RUBCN: variants seen among roughly 807,000 people sequenced by gnomAD.
The protein encoded by RUBCN is run domain Beclin-1-interacting and cysteine-rich domain-containing protein.
In RUBCN, 74 loss-of-function variants were observed where a neutral mutation model predicts 113.2. The ratio of observed to expected loss-of-function variants is 0.65; its 90% CI spans 0.54 to 0.79. The LOEUF (loss-of-function observed/expected upper bound fraction) is 0.79, where lower values mean the gene tolerates loss of function less well. Ranked by LOEUF, RUBCN falls within the 30% of genes least tolerant of loss-of-function variation. The probability of loss-of-function intolerance (pLI) is 0.00; values close to 1 mark genes in which losing one functional copy is unlikely to be tolerated. For synonymous variants in RUBCN, 480 were observed against 490.0 expected (o/e 0.98, Z 0.27); for missense variants, 1,109 against 1,251.7 (o/e 0.89, Z 1.72).
chr3:197,705,128 C>T lies in RUBCN; in HGVS notation c.267G>A (p.Arg89=), dbSNP rs189652435. Residue 89 remains arginine (R), a synonymous_variant, in exon 3 of 20, where the codon CGG becomes CGA. Coordinates refer to ENST00000296343, the MANE Select transcript of RUBCN (RefSeq NM_014687.4). ...GAAGGGCTGAGTGGGGACTGAGCCA[C>T]CGGATGTCTTTCACGAACTGCCAGT... The part of the protein sequence containing the change: ...TDYWQFVKDI[R]WLSPHSALHV... 234 of 1,614,144 alleles carry T rather than the reference C, an allele frequency of 1.4e-4. 1 individual carries two copies. The African/African-American group carries it at 3.0e-3, about 20-fold the overall frequency.
intron 1 of RUBCN, among the ~76,000 whole-genome samples, chr3:197,728,851 C>T (rs1727057677): frequency 6.6e-6 from 1 of 152,142 alleles, no homozygotes; most frequent in Non-Finnish European, 1.5e-5. Flanking sequence ...AAGAGCTCTC[C>T]AGGCAAAGAG....
chr3:197,749,674 A>G (rs779902502), exon 1 of RUBCN: 1 of 712,690 alleles, frequency 1.4e-6, no homozygotes, highest in South Asian at 1.5e-5. Flanking sequence ...AGCATCCCCC[A>G]GTTTGGGCGG....
At chr3:197,703,800 G>A (rs79404095) in intron 4 of RUBCN, 146 bp from the exon 5 acceptor site, 42,261 of 679,240 alleles carry the variant, frequency 0.062, 1,649 homozygotes, top group Non-Finnish European at 0.079. Context: ...GCTGAAGAAC[G>A]CGAGGTGCAG....
intron 11 of RUBCN, among the ~76,000 whole-genome samples, chr3:197,690,194 C>T (rs779823187): frequency 1.3e-5 from 2 of 152,206 alleles, no homozygotes; most frequent in Non-Finnish European, 2.9e-5. Context: ...AATTCCAACA[C>T]GTTGGGAGGC....
At chr3:197,721,577 T>C (rs78151556) in intron 1 of RUBCN, among the ~76,000 whole-genome samples, 218 of 152,216 alleles carry the variant, frequency 1.4e-3, no homozygotes, top group African/African-American at 4.8e-3. Context: ...TATATATTTT[T>C]TCATTCTCTA....
intron 1 of RUBCN, among the ~76,000 whole-genome samples, chr3:197,746,320 C>A (rs151048039): frequency 1.3e-5 from 2 of 152,244 alleles, no homozygotes; most frequent in East Asian, 3.9e-4. Context: ...GTTTAACTTG[C>A]TACATTCCAA....
chr3:197,680,345 G>C (rs1437623393), intron 16 of RUBCN, among the ~76,000 whole-genome samples: 1 of 140,854 alleles, frequency 7.1e-6, no homozygotes, highest in African/African-American at 2.7e-5. Flanking sequence ...GCTCCAGACT[G>C]TCCTACGCTC....
At chr3:197,740,723 C>A (rs1353133144), upstream of RUBCN, among the ~76,000 whole-genome samples, 1 of 151,662 alleles carries the variant, frequency 6.6e-6, no homozygotes, top group African/African-American at 2.4e-5. Flanking sequence ...TGGGTTCAAG[C>A]AATTCTCCTG....
chr3:197,722,198 A>G (rs1237586035), intron 1 of RUBCN, among the ~76,000 whole-genome samples: 2 of 152,036 alleles, frequency 1.3e-5, no homozygotes, highest in Non-Finnish European at 1.5e-5. Flanking sequence ...GGATTGCACC[A>G]CTGCACTCCA....
Position 197,747,185 on chromosome 3 carries a change from A to G in RUBCN, c.-116+2084T>C, listed in dbSNP as rs183711210. On this transcript the variant is annotated intron_variant, in intron 1 of 20. Coordinates refer to the RUBCN transcript ENST00000273582. Reference sequence around the variant, plus strand: ...ATGAAAAGACCTGCCATTACCCACAATGCTTCACTCTTGCTTTCTTGCCTT... The same window carrying G: ...ATGAAAAGACCTGCCATTACCCACAGTGCTTCACTCTTGCTTTCTTGCCTT... 4.6e-5 allele frequency among the ~76,000 whole-genome samples: 7 copies of G among 152,144 alleles called. No individual in the cohort carries two copies. In the East Asian group the frequency reaches 1.4e-3, roughly 29 times the overall value.
In RUBCN at chr3:197,675,571, C is replaced by T. The variant is rs972019201; in HGVS notation, c.2647-56G>A. 9.9e-5 allele frequency: 133 copies of T among 1,341,108 alleles called. No homozygotes were observed. The highest frequency in any genetic ancestry group is 9.5e-4 in the South Asian group (81 of 85,402). 83.1% of individuals were successfully genotyped at this position (1,341,108 alleles called of 1,614,324 possible). ...AGGAGCGGCACATCAGGAACTGGCA[C>T]GGGAGGGTGAACACCGAGGAGGGGA... On this transcript the variant is annotated intron_variant, in intron 18 of 19. Coordinates refer to ENST00000296343, the MANE Select transcript of RUBCN (RefSeq NM_014687.4). This position sits in a 1 kb window ranked among gnomAD's most constrained non-coding sequence, Gnocchi z 4.4.
Position 197,736,689 on chromosome 3 carries a change from C to G in RUBCN, c.31G>C (p.Gly11Arg). Residue 11 changes from glycine to arginine, a missense_variant, in exon 1 of 20, where the codon GGA (glycine) becomes CGA (arginine). This residue lies in a region of RUBCN where 736 missense variants were observed against 779.6 expected (regional missense o/e 0.94). Coordinates refer to ENST00000296343, the MANE Select transcript of RUBCN (RefSeq NM_014687.4). MRPEGAGMELGGGEERLPEES... is the reference protein window; with the variant it reads MRPEGAGMELRGGEERLPEES... ...TCAGGCAGGCGCTCCTCGCCGCCTC[C>G]GAGCTCCATTCCCGCGCCCTCCGGC... The G allele has an allele frequency of 2.0e-6, 3 of 1,532,306 alleles. No individual in the cohort carries two copies. 94.9% of individuals were successfully genotyped at this position (1,532,306 alleles called of 1,614,324 possible).
At chr3:197,732,607 C>T (rs571150832) in intron 1 of RUBCN, among the ~76,000 whole-genome samples, 2 of 152,212 alleles carry the variant, frequency 1.3e-5, no homozygotes, top group Non-Finnish European at 2.9e-5. Flanking sequence ...GCCACCGTGC[C>T]CAGTGTAGTG....
intron 1 of RUBCN, among the ~76,000 whole-genome samples, chr3:197,720,092 T>G (rs986238727): frequency 6.6e-6 from 1 of 152,180 alleles, no homozygotes; most frequent in South Asian, 2.1e-4. Flanking sequence ...CCCGCCTTAC[T>G]GTGCAACAGA....
chr3:197,704,049 C>T (rs1213574212), intron 4 of RUBCN, among the ~76,000 whole-genome samples: 1 of 152,150 alleles, frequency 6.6e-6, no homozygotes, highest in Non-Finnish European at 1.5e-5. Flanking sequence ...AGGGGACGAC[C>T]TTAACATAAA....
At chr3:197,678,930 G>A (rs1720827817) in intron 16 of RUBCN, among the ~76,000 whole-genome samples, 1 of 145,670 alleles carries the variant, frequency 6.9e-6, no homozygotes. Context: ...ACTGTCCTAC[G>A]CTCTGACAAC....
rs551709691 is a variant in RUBCN at position 197,681,611 on chromosome 3, C to T, written c.2191+224G>A. ...AGTAAGATCCCGCCTTACCAGCTAG[C>T]TGGAACTACCCAACTTTCCACAGGA... On this transcript the variant is annotated intron_variant, in intron 15 of 19. Transcript: ENST00000296343. The surrounding 1 kb of genome is among the most constrained non-coding windows in gnomAD (Gnocchi z 5.5). Among the ~76,000 whole-genome samples, 3 of 152,336 alleles carry T rather than the reference C, an allele frequency of 2.0e-5. No individual in the cohort carries two copies. In the East Asian group the frequency reaches 5.8e-4, roughly 29 times the overall value.
chr3:197,694,978 C>A (rs959167532), intron 9 of RUBCN, among the ~76,000 whole-genome samples: 6 of 152,196 alleles, frequency 3.9e-5, no homozygotes, highest in African/African-American at 1.4e-4. Flanking sequence ...AGCCTTAGAA[C>A]AAAAGATAGA....
chr3:197,746,022 C>T (rs1346247733), intron 1 of RUBCN, among the ~76,000 whole-genome samples: 4 of 152,004 alleles, frequency 2.6e-5, no homozygotes, highest in Non-Finnish European at 5.9e-5. Flanking sequence ...CAGAGTGAGA[C>T]TCTGTCTCAA....
Sources: allele counts gnomAD v4.1 joint callset (sites outside exome capture counted in the v4.1 genomes callset), GRCh38; gene constraint gnomAD v4.1.1; regional missense constraint gnomAD v4.1.1; non-coding constraint Gnocchi (gnomAD v3.1); transcripts MANE v1.5; gene names NCBI Gene and HGNC (gene_info 2026-07-23, HGNC 2026-07-21).